The following DCC variants were observed in gnomAD, a reference collection of about 807,000 sequenced individuals.
DCC encodes netrin receptor DCC.
DCC carries 58 observed loss-of-function variants against 172.5 expected under a neutral mutation model. The ratio of observed to expected loss-of-function variants is 0.34; its 90% CI spans 0.27 to 0.42. The LOEUF is 0.42. Ranked by LOEUF, DCC falls within the 10% of genes least tolerant of loss-of-function variation. The probability of loss-of-function intolerance (pLI) is 1.00; values close to 1 mark genes in which losing one functional copy is unlikely to be tolerated. For missense variants in DCC, 1,740 were observed against 1,791.0 expected, an observed-to-expected ratio of 0.97 and a Z score of 0.51; for synonymous variants, 709 against 644.5, an observed-to-expected ratio of 1.10 and a Z score of -1.52.
intron 14 of DCC, among the ~76,000 whole-genome samples, chr18:53,332,269 A>G (rs938544911): frequency 6.6e-6 from 1 of 152,188 alleles, no homozygotes; most frequent in African/African-American, 2.4e-5. Context: ...AGGCAAAAAA[A>G]GTAGCTAAAA....
chr18:53,445,275 T>C (rs1043515382), intron 22 of DCC, among the ~76,000 whole-genome samples: 5 of 152,204 alleles, frequency 3.3e-5, no homozygotes, highest in African/African-American at 7.2e-5. Flanking sequence ...TTAAGACATA[T>C]GTAGAGCTCA....
chr18:53,452,216 G>T (rs2145152532), intron 23 of DCC, among the ~76,000 whole-genome samples: 1 of 152,324 alleles, frequency 6.6e-6, no homozygotes, highest in South Asian at 2.1e-4. Flanking sequence ...CAAGGCAGCA[G>T]GTCTCTGAAG....
intron 1 of DCC, among the ~76,000 whole-genome samples, chr18:52,366,112 G>T (rs1984839069): frequency 6.6e-6 from 1 of 151,924 alleles, no homozygotes; most frequent in Non-Finnish European, 1.5e-5. Context: ...AGAAGAGAGA[G>T]ATTTTAGCAT....
At chr18:52,374,723 T>G (rs1334574551) in intron 1 of DCC, among the ~76,000 whole-genome samples, 4 of 152,206 alleles carry the variant, frequency 2.6e-5, no homozygotes, top group South Asian at 2.1e-4. Flanking sequence ...TAAATTGTCT[T>G]GATTGAACAG....
intron 5 of DCC, among the ~76,000 whole-genome samples, chr18:52,949,263 G>C (rs998372662): frequency 1.3e-5 from 2 of 152,126 alleles, no homozygotes; most frequent in African/African-American, 4.8e-5. Context: ...TCTCACATAA[G>C]CCTAGAAGAG....
At chr18:53,450,978 C>T (rs554338268) in intron 23 of DCC, among the ~76,000 whole-genome samples, 68 of 152,288 alleles carry the variant, frequency 4.5e-4, no homozygotes, top group African/African-American at 1.5e-3. Flanking sequence ...CACCATGCCC[C>T]TGTTTCTGGC....
chr18:52,960,984 C>G (rs1470115190), intron 5 of DCC, among the ~76,000 whole-genome samples: 2 of 152,084 alleles, frequency 1.3e-5, no homozygotes, highest in African/African-American at 4.8e-5. Flanking sequence ...TTCCTATAAT[C>G]AGGACCAATA....
At chr18:52,485,488 T>C (rs1456637814) in intron 1 of DCC, among the ~76,000 whole-genome samples, 1 of 152,240 alleles carries the variant, frequency 6.6e-6, no homozygotes, top group East Asian at 1.9e-4. Flanking sequence ...TCTTATGAAA[T>C]GTATTTTAGT....
chr18:53,267,062 A>G (rs1018982093), intron 12 of DCC, among the ~76,000 whole-genome samples: 1 of 151,720 alleles, frequency 6.6e-6, no homozygotes, highest in Non-Finnish European at 1.5e-5. Flanking sequence ...TGAGTCATGC[A>G]ATAACACTAT....
chr18:53,204,188 G>GAA (rs67046082), intron 9 of DCC, among the ~76,000 whole-genome samples: 81 of 150,392 alleles, frequency 5.4e-4, no homozygotes, highest in East Asian at 5.3e-3. Context: ...AGGGAAAAAA[G>GAA]AAAAAAAAAC....
intron 15 of DCC, among the ~76,000 whole-genome samples, chr18:53,364,484 A>G (rs1394199805): frequency 6.6e-6 from 1 of 152,256 alleles, no homozygotes; most frequent in Admixed American, 6.5e-5. Context: ...ATGATCAGAG[A>G]GAGAACACTG....
intron 5 of DCC, among the ~76,000 whole-genome samples, chr18:52,968,178 A>AT (rs1455013396): frequency 6.6e-6 from 1 of 152,160 alleles, no homozygotes; most frequent in African/African-American, 2.4e-5. Flanking sequence ...GGAGTCAGAG[A>AT]TTTTTAATGG....
intron 1 of DCC, among the ~76,000 whole-genome samples, chr18:52,447,714 C>T (rs558584885): frequency 6.6e-6 from 1 of 152,224 alleles, no homozygotes; most frequent in African/African-American, 2.4e-5. Context: ...AGTTTACAAT[C>T]ATGGTGGGAG....
intron 11 of DCC, among the ~76,000 whole-genome samples, chr18:53,212,950 G>A (rs192822508): frequency 6.2e-4 from 94 of 152,252 alleles, no homozygotes; most frequent in African/African-American, 2.0e-3. Flanking sequence ...GGGATTACAG[G>A]TGTGAGCCAC....
intron 5 of DCC, among the ~76,000 whole-genome samples, chr18:52,958,716 G>A (rs181843062): frequency 3.3e-5 from 5 of 152,226 alleles, no homozygotes; most frequent in African/African-American, 7.2e-5. Flanking sequence ...ACTCACCTGA[G>A]TGACAGATGA....
intron 28 of DCC, among the ~76,000 whole-genome samples, chr18:53,527,206 C>CT (rs1212450703): frequency 0.027 from 3,682 of 133,938 alleles, 150 homozygotes; most frequent in African/African-American, 0.092. Flanking sequence ...CTTCTTCTTC[C>CT]TTTTTTTTTT....
At chr18:53,450,711 G>T (rs779925598) in intron 23 of DCC, 49 bp downstream of exon 23, 3 of 1,487,958 alleles carry the variant, frequency 2.0e-6, no homozygotes, top group South Asian at 1.1e-5. Flanking sequence ...GTCTTTTGGG[G>T]TTATATTTTT....
At position 53,529,998 on chromosome 18, in the gene DCC, C is replaced by T. The variant is rs146502927; in HGVS notation, c.4255-566C>T. On this transcript the variant is annotated intron_variant, in intron 28 of 28. Coordinates refer to ENST00000442544, the MANE Select transcript of DCC (RefSeq NM_005215.4). Reference sequence around the variant, plus strand: ...ACAAACTAAAGTCATAATCTCCAGACGTTTCATTGGCCAAGGCAAAGCCCG... The same window carrying T: ...ACAAACTAAAGTCATAATCTCCAGATGTTTCATTGGCCAAGGCAAAGCCCG... 1.1e-4 allele frequency among the ~76,000 whole-genome samples: 17 copies of T among 152,178 alleles called. No homozygotes were observed. The East Asian group carries it at 1.5e-3, about 14-fold the overall frequency.
chr18:52,433,867 G>T (rs10153390), intron 1 of DCC, among the ~76,000 whole-genome samples: 63,002 of 151,936 alleles, frequency 0.41, 13,747 homozygotes, highest in East Asian at 0.55. Flanking sequence ...ATAATTACAT[G>T]CAGAGACTCA....
Sources: allele counts gnomAD v4.1 joint callset (sites outside exome capture counted in the v4.1 genomes callset), GRCh38; gene constraint gnomAD v4.1.1; transcripts MANE v1.5; gene names NCBI Gene and HGNC (gene_info 2026-07-23, HGNC 2026-07-21).